Variants in MTREX observed in about 807,000 individuals in gnomAD.
The protein encoded by MTREX is exosome RNA helicase MTR4.
Under a neutral mutation model 135.4 loss-of-function variants are expected in MTREX, and 76 were observed. The ratio of observed to expected loss-of-function variants is 0.56; its 90% CI spans 0.47 to 0.68. MTREX has a LOEUF of 0.68. Ranked by LOEUF, MTREX falls within the 30% of genes least tolerant of loss-of-function variation. The pLI, the probability that MTREX is intolerant of heterozygous loss-of-function variation, is 0.00. For missense variants in MTREX, 920 were observed against 1,262.1 expected, an observed-to-expected ratio of 0.73 and a Z score of 4.11; for synonymous variants, 404 against 401.6, an observed-to-expected ratio of 1.01 and a Z score of -0.07.
intron 19 of MTREX, among the ~76,000 whole-genome samples, chr5:55,389,133 C>T (rs965901882): frequency 5.3e-5 from 8 of 152,020 alleles, no homozygotes; most frequent in African/African-American, 1.9e-4. Flanking sequence ...TCTAGAATTC[C>T]ACCACCAAGT....
chr5:55,370,752 T>A (rs1025395019), intron 16 of MTREX, among the ~76,000 whole-genome samples: 1 of 152,230 alleles, frequency 6.6e-6, no homozygotes, highest in Non-Finnish European at 1.5e-5. Context: ...GAATACATCC[T>A]GAATGGAGTT....
chr5:55,347,818 C>G (rs891665790), intron 11 of MTREX, among the ~76,000 whole-genome samples: 2 of 152,162 alleles, frequency 1.3e-5, no homozygotes, highest in Non-Finnish European at 2.9e-5. Context: ...TTCCACGTGG[C>G]TGGGGATGCC....
chr5:55,402,296 T>C (rs1750733800), intron 21 of MTREX, among the ~76,000 whole-genome samples: 1 of 152,226 alleles, frequency 6.6e-6, no homozygotes, highest in African/African-American at 2.4e-5. Context: ...AAACTTTCAT[T>C]ACTTACACAG....
intron 25 of MTREX, 43 bp from the exon 26 acceptor site, chr5:55,422,835 G>C: frequency 2.0e-6 from 3 of 1,529,918 alleles, no homozygotes; most frequent in Non-Finnish European, 2.7e-6. Context: ...TGCTGTTCCT[G>C]ATTATTTCCA....
At chr5:55,345,231 T>C (rs752163914) in intron 10 of MTREX, 35 bp downstream of exon 10, 6 of 1,340,780 alleles carry the variant, frequency 4.5e-6, no homozygotes, top group Non-Finnish European at 6.4e-6. Flanking sequence ...GAATTTTACA[T>C]GTAAATTGTA....
At chr5:55,336,877 A>AT (rs1561190107) in intron 5 of MTREX, among the ~76,000 whole-genome samples, 1 of 152,102 alleles carries the variant, frequency 6.6e-6, no homozygotes, top group East Asian at 1.9e-4. Context: ...ATGGTATGTG[A>AT]TTTTCTTATA....
chr5:55,347,227 A>G (rs1749753151), intron 11 of MTREX, 83 bp downstream of exon 11: 2 of 1,364,844 alleles, frequency 1.5e-6, no homozygotes, highest in Non-Finnish European at 1.0e-6. Flanking sequence ...TATCTGTTAC[A>G]TATTACTAGG....
In MTREX at chr5:55,324,137, C is replaced by G; in HGVS notation, c.278C>G (p.Ala93Gly). The G allele has an allele frequency of 1.2e-6, 2 of 1,609,462 alleles. No homozygotes were observed. Among genetic ancestry groups the G allele is most frequent in the Non-Finnish European group, 1.7e-6 (2 of 1,177,150 alleles). ...EESITEDLSL[A>G]DLMPRVKVQS... is the part of the protein sequence containing the mutation. The stretch of plus-strand genomic sequence containing the variant: ...TTTAAACAATTCTTTTTAAGTTTGG[C>G]AGACCTGATGCCCAGAGTCAAGGTA... Residue 93 changes from alanine (A) to glycine (G), a missense_variant, in exon 3 of 27, where the codon GCA becomes GGA. By Grantham distance (60) the Ala-to-Gly change is moderately conservative. This residue lies in a region of MTREX where 136 missense variants were observed against 126.7 expected (regional missense o/e 1.07). Transcript: ENST00000230640.
At position 55,327,759 on chromosome 5, in the gene MTREX, G is replaced by A. The variant is rs756655475; in HGVS notation, c.383G>A (p.Arg128Gln). Reference protein sequence around the residue: ...AEEDYLPLKPRVGKAAKEYPF... With the variant: ...AEEDYLPLKPQVGKAAKEYPF... Reference sequence around the variant, plus strand: ...GAGGATTATTTACCACTTAAACCACGAGTTGGAAAAGCTGCTAAGGTCTGT... The same window carrying A: ...GAGGATTATTTACCACTTAAACCACAAGTTGGAAAAGCTGCTAAGGTCTGT... The change falls in exon 4 of 27, where the codon CGA becomes CAA. Residue 128 changes from arginine (R) to glutamine (Q), a missense_variant. By Grantham distance (43) the Arg-to-Gln change is conservative. Transcript: ENST00000230640. 1.2e-5 allele frequency: 20 copies of A among 1,612,934 alleles called. No individual in the cohort carries two copies. Among genetic ancestry groups the A allele is most frequent in the Admixed American group, 8.3e-5 (5 of 59,976 alleles).
intron 3 of MTREX, among the ~76,000 whole-genome samples, chr5:55,326,070 C>T (rs903911717): frequency 2.0e-5 from 3 of 152,050 alleles, no homozygotes; most frequent in African/African-American, 4.8e-5. Context: ...ATGTTAGACC[C>T]TATTCAGTTA....
rs138785509 is a variant in MTREX at position 55,353,836 on chromosome 5, A to G, written c.1533+567A>G. 1.1e-3 allele frequency among the ~76,000 whole-genome samples: 162 copies of G among 152,382 alleles called. 1 individual carries two copies. Among genetic ancestry groups the G allele is most frequent in the African/African-American group, 3.8e-3 (156 of 41,590 alleles). On this transcript the variant is annotated intron_variant, in intron 14 of 26. Transcript: ENST00000230640. ...TTTGATGATAGGAGGTTAAGTGTGC[A>G]AGTGGTTTATGAATGCTTTAAATCA... is the stretch of plus-strand genomic sequence containing the variant.
At chr5:55,406,952 T>C (rs980477477) in intron 22 of MTREX, among the ~76,000 whole-genome samples, 62 of 152,206 alleles carry the variant, frequency 4.1e-4, no homozygotes, top group Non-Finnish European at 7.3e-5. Flanking sequence ...CCAGCTTGCC[T>C]CTGTCCTCCT....
Position 55,378,300 on chromosome 5 carries a change from T to C in MTREX, c.1811-14T>C. 6.4e-7 allele frequency: 1 copy of C among 1,568,294 alleles called. No homozygotes were observed. Among genetic ancestry groups the C allele is most frequent in the East Asian group, 2.3e-5 (1 of 43,710 alleles). On this transcript the variant is annotated splice_polypyrimidine_tract_variant and intron_variant, in intron 16 of 26. Coordinates refer to ENST00000230640, the MANE Select transcript of MTREX (RefSeq NM_015360.5). ...GTATAACCTTTTAATTTTGTACATG[T>C]GTTCTATTTACAGAGGTAAAGAATT...
chr5:55,384,325 G>A (rs188142770), intron 18 of MTREX, among the ~76,000 whole-genome samples: 1 of 152,316 alleles, frequency 6.6e-6, no homozygotes, highest in East Asian at 1.9e-4. Context: ...TCGGTAAATA[G>A]ACTTTGAAAC....
In MTREX at chr5:55,414,256, T is replaced by C; in HGVS notation, c.2808+18T>C. 1 of 1,558,584 alleles carries C rather than the reference T, an allele frequency of 6.4e-7. No homozygotes were observed. Among genetic ancestry groups the C allele is most frequent in the Non-Finnish European group, 8.6e-7 (1 of 1,160,862 alleles). On this transcript the variant is annotated intron_variant, in intron 24 of 26. Coordinates refer to ENST00000230640, the MANE Select transcript of MTREX (RefSeq NM_015360.5). ...AAATGCAGGTAAGGTTTTTTTTTTT[T>C]TTTTTTGAACTACATATTTTATGAA... is the stretch of plus-strand genomic sequence containing the variant.
chr5:55,369,915 C>CTTTTTTTTTTTTTTT (rs60011222), intron 16 of MTREX, among the ~76,000 whole-genome samples: 2 of 141,424 alleles, frequency 1.4e-5, no homozygotes, highest in Non-Finnish European at 3.1e-5. Context: ...TTTCTTTTTT[C>CTTTTTTTTTTTTTTT]TTTTTTTTTT....
intron 20 of MTREX, among the ~76,000 whole-genome samples, chr5:55,399,216 C>A (rs1459229017): frequency 6.6e-6 from 1 of 152,148 alleles, no homozygotes; most frequent in Non-Finnish European, 1.5e-5. Context: ...TTTGAAAGAG[C>A]TTGCCTTATT....
intron 14 of MTREX, among the ~76,000 whole-genome samples, chr5:55,354,243 G>A (rs1057430188): frequency 6.6e-6 from 1 of 152,126 alleles, no homozygotes; most frequent in African/African-American, 2.4e-5. Flanking sequence ...GTATGTTCAG[G>A]GATATAGCAT....
In MTREX at chr5:55,328,809, C is replaced by T. The variant is rs201453594; in HGVS notation, c.513C>T (p.Ala171=). The change falls in exon 5 of 27, where the codon GCC becomes GCT. Residue 171 remains alanine, a splice_region_variant and synonymous_variant. Coordinates refer to ENST00000230640, the MANE Select transcript of MTREX (RefSeq NM_015360.5). ...AHTSAGKTVC[A]EYAIALALRE... ...CCTCAGCGGGAAAAACAGTATGCGC[C>T]GAGTGAGTAGCTTCCTTTTTAAAGT... 1.7e-5 allele frequency: 26 copies of T among 1,572,464 alleles called. No homozygotes were observed. The highest frequency in any genetic ancestry group is 1.7e-4 in the Middle Eastern group (1 of 6,002).
Sources: gnomAD v4.1 joint callset for allele counts (sites outside exome capture counted in the v4.1 genomes callset) on GRCh38, gnomAD v4.1.1 for gene constraint, gnomAD v4.1.1 regional missense constraint, MANE v1.5 for transcripts, NCBI Gene and HGNC (gene_info 2026-07-23, HGNC 2026-07-21) for gene names.